The following AUTS2 variants were observed in gnomAD, a reference collection of about 807,000 sequenced individuals.
The protein encoded by AUTS2 is activator of transcription and developmental regulator AUTS2.
AUTS2 carries 17 observed loss-of-function variants against 112.4 expected under a neutral mutation model. That is an observed-to-expected ratio of 0.15 (90% CI 0.10 to 0.23). The LOEUF (loss-of-function observed/expected upper bound fraction) is 0.23, where lower values mean the gene tolerates loss of function less well. Ranked by LOEUF, AUTS2 falls within the 10% of genes least tolerant of loss-of-function variation. The pLI, the probability that AUTS2 is intolerant of heterozygous loss-of-function variation, is 1.00. For synonymous variants in AUTS2, 751 were observed against 702.7 expected (o/e 1.07, Z -1.09); for missense variants, 1,510 against 1,701.6 (o/e 0.89, Z 1.98).
rs1563191695 is a variant in AUTS2 at position 70,777,111 on chromosome 7, G to C, written c.1941G>C (p.Gly647=). The part of the protein sequence containing the change: ...DPFRPMLRKP[G]KWCAMHVHIA... Reference sequence around the variant, plus strand: ...GCTCTTTCTTGTTCCAGAAACCAGGGAAGTGGTGTGCTATGCATGTTCACA... The same window carrying C: ...GCTCTTTCTTGTTCCAGAAACCAGGCAAGTGGTGTGCTATGCATGTTCACA... The change falls in exon 14 of 19, where the codon GGG becomes GGC. Residue 647 remains glycine (G), a synonymous_variant. Transcript: ENST00000342771. The C allele has an allele frequency of 6.2e-7, 1 of 1,614,118 alleles. No homozygotes were observed. Among genetic ancestry groups the C allele is most frequent in the Admixed American group, 1.7e-5 (1 of 60,020 alleles).
rs530388561 is a variant in AUTS2 at position 70,217,894 on chromosome 7, A to T, written c.660+83323A>T. On this transcript the variant is annotated intron_variant, in intron 4 of 18. Coordinates refer to ENST00000342771, the MANE Select transcript of AUTS2 (RefSeq NM_015570.4). The stretch of plus-strand genomic sequence containing the variant: ...TTGTAAGAGGTTGGTTCTCTGTATT[A>T]AATCACTTCCTACAGAAAATTTCTT... Among the ~76,000 whole-genome samples the T allele has an allele frequency of 3.9e-5, 6 of 152,358 alleles. No homozygotes were observed. In the South Asian group the frequency reaches 1.2e-3, roughly 32 times the overall value.
chr7:69,714,958 T>A (rs2129206524), intron 1 of AUTS2, among the ~76,000 whole-genome samples: 1 of 152,014 alleles, frequency 6.6e-6, no homozygotes, highest in South Asian at 2.1e-4. Flanking sequence ...ATTCAAAAGG[T>A]ACAGAGACTC....
At chr7:70,394,422 A>C (rs1793997028) in intron 4 of AUTS2, among the ~76,000 whole-genome samples, 1 of 152,180 alleles carries the variant, frequency 6.6e-6, no homozygotes, top group African/African-American at 2.4e-5. Context: ...TCAAAGATTA[A>C]CTGGATTGCC....
intron 4 of AUTS2, among the ~76,000 whole-genome samples, chr7:70,273,089 C>T (rs1005455126): frequency 6.6e-6 from 1 of 152,108 alleles, no homozygotes; most frequent in African/African-American, 2.4e-5. Context: ...CACTCTGTCT[C>T]CCAGTCTGGA....
intron 5 of AUTS2, among the ~76,000 whole-genome samples, chr7:70,671,064 C>G (rs950989890): frequency 3.3e-5 from 5 of 152,120 alleles, no homozygotes; most frequent in African/African-American, 1.2e-4. Context: ...CCCAGCTACT[C>G]GGGAGGCTGA....
intron 4 of AUTS2, among the ~76,000 whole-genome samples, chr7:70,418,823 A>G (rs1795096372): frequency 6.6e-6 from 1 of 152,174 alleles, no homozygotes; most frequent in Non-Finnish European, 1.5e-5. Context: ...TCACTCAGAA[A>G]TAAACAGTGT....
chr7:70,413,142 AG>A (rs1455718165), intron 4 of AUTS2, among the ~76,000 whole-genome samples: 2 of 152,244 alleles, frequency 1.3e-5, no homozygotes, highest in Non-Finnish European at 2.9e-5. Context: ...GACATATCCA[AG>A]GAGTCCTGTT....
chr7:70,587,781 T>G (rs1225954371), intron 5 of AUTS2, among the ~76,000 whole-genome samples: 1 of 152,244 alleles, frequency 6.6e-6, no homozygotes, highest in Non-Finnish European at 1.5e-5. Context: ...TCTAATAATC[T>G]TTTTGTAATC....
chr7:70,117,988 T>A (rs569836231), intron 2 of AUTS2, 144 bp from the exon 3 acceptor site: 7 of 1,023,498 alleles, frequency 6.8e-6, no homozygotes, highest in Non-Finnish European at 9.1e-6. Flanking sequence ...AACCTCGTGA[T>A]CCTCCTACCT....
At chr7:69,958,463 A>G (rs1797304239) in intron 2 of AUTS2, among the ~76,000 whole-genome samples, 1 of 152,124 alleles carries the variant, frequency 6.6e-6, no homozygotes, top group South Asian at 2.1e-4. Context: ...TACTTGCAAG[A>G]AAATACTTCC....
At chr7:69,912,182 C>T (rs983749545) in intron 2 of AUTS2, among the ~76,000 whole-genome samples, 3 of 152,198 alleles carry the variant, frequency 2.0e-5, no homozygotes, top group Non-Finnish European at 4.4e-5. Context: ...CCTCAATTTT[C>T]CTCTGAAATC....
intron 6 of AUTS2, among the ~76,000 whole-genome samples, chr7:70,726,860 A>G (rs1313238998): frequency 6.6e-6 from 1 of 152,082 alleles, no homozygotes; most frequent in East Asian, 1.9e-4. Context: ...AACACACGGG[A>G]TTATCTTATT....
chr7:70,669,419 A>G (rs576229318), intron 5 of AUTS2, among the ~76,000 whole-genome samples: 1 of 152,338 alleles, frequency 6.6e-6, no homozygotes, highest in South Asian at 2.1e-4. Flanking sequence ...AGAGGGACAC[A>G]AGGGTTCAGC....
intron 2 of AUTS2, among the ~76,000 whole-genome samples, chr7:70,117,104 G>GTTTTTTT (rs61076536): frequency 1.3e-4 from 10 of 78,436 alleles, no homozygotes; most frequent in African/African-American, 4.8e-4. Flanking sequence ...GATGACTTTT[G>GTTTTTTT]TTTTTTTTTT....
At chr7:70,602,592 G>A (rs1232824816) in intron 5 of AUTS2, among the ~76,000 whole-genome samples, 1 of 152,194 alleles carries the variant, frequency 6.6e-6, no homozygotes, top group East Asian at 1.9e-4. Flanking sequence ...TTGAAGAAAA[G>A]TGTTTCAAAA....
At chr7:70,727,931 T>C (rs1465564975) in intron 6 of AUTS2, among the ~76,000 whole-genome samples, 1 of 152,212 alleles carries the variant, frequency 6.6e-6, no homozygotes, top group Middle Eastern at 3.2e-3. Flanking sequence ...TAGCAGGACC[T>C]GATTGTTCAG....
At chr7:70,314,554 GC>G (rs1789909325) in intron 4 of AUTS2, among the ~76,000 whole-genome samples, 1 of 152,194 alleles carries the variant, frequency 6.6e-6, no homozygotes, top group Non-Finnish European at 1.5e-5. Flanking sequence ...GGGCCCTGGT[GC>G]CAAGTGTTTG....
At position 70,221,917 on chromosome 7, in the gene AUTS2, C is replaced by G. The variant is rs191800814; in HGVS notation, c.660+87346C>G. On this transcript the variant is annotated intron_variant, in intron 4 of 18. Coordinates refer to ENST00000342771, the MANE Select transcript of AUTS2 (RefSeq NM_015570.4). ...AAATAATAATAAATAAAGAATCTAT[C>G]ATTTGGGTTTGGCTTTTTATCATCA... 5.7e-4 allele frequency among the ~76,000 whole-genome samples: 86 copies of G among 152,158 alleles called. No individual in the cohort carries two copies. In the East Asian group the frequency reaches 0.014, roughly 24 times the overall value.
chr7:70,661,486 G>A (rs1176414233), intron 5 of AUTS2, among the ~76,000 whole-genome samples: 4 of 152,188 alleles, frequency 2.6e-5, no homozygotes, highest in South Asian at 2.1e-4. Context: ...AAACACACAC[G>A]CTTTGGACTC....
Sources: allele counts gnomAD v4.1 joint callset (sites outside exome capture counted in the v4.1 genomes callset), GRCh38; gene constraint gnomAD v4.1.1; transcripts MANE v1.5; gene names NCBI Gene and HGNC (gene_info 2026-07-23, HGNC 2026-07-21).